MOV10L1: variants seen among roughly 807,000 people sequenced by gnomAD.
MOV10L1 encodes Mov10 like RNA helicase 1, also known as RNA helicase Mov10l1.
A neutral mutation model predicts 143.8 loss-of-function variants in MOV10L1; 110 were observed. That is an observed-to-expected ratio of 0.76 (90% CI 0.66 to 0.90). The LOEUF (loss-of-function observed/expected upper bound fraction) is 0.90, where lower values mean the gene tolerates loss of function less well. Ranked by LOEUF, MOV10L1 falls within the 40% of genes least tolerant of loss-of-function variation. The probability of loss-of-function intolerance (pLI) is 0.00; values close to 1 mark genes in which losing one functional copy is unlikely to be tolerated. For missense variants in MOV10L1, 1,406 were observed against 1,526.8 expected (o/e 0.92, Z 1.32); for synonymous variants, 593 against 581.1 (o/e 1.02, Z -0.29).
At chr22:50,146,703 G>A (rs1316028096) in intron 19 of MOV10L1, among the ~76,000 whole-genome samples, 1 of 152,144 alleles carries the variant, frequency 6.6e-6, no homozygotes, top group Non-Finnish European at 1.5e-5. Context: ...GCGTCACGGT[G>A]GTCGTGAGGG....
chr22:50,091,961 C>A, intron 1 of MOV10L1, 40 bp from the exon 2 acceptor site: 1 of 1,591,520 alleles, frequency 6.3e-7, no homozygotes, highest in South Asian at 1.1e-5. Flanking sequence ...CGTACGCTTG[C>A]TTTTATGGCC....
Position 50,108,653 on chromosome 22 carries a change from C to T in MOV10L1, c.556-4C>T, listed in dbSNP as rs75432260. ...TCCTGTGACGCTCAGCTCTCTGCTC[C>T]CAGGTCTGCATCTCTAGCCTCTGTG... is the stretch of plus-strand genomic sequence containing the variant. On this transcript the variant is annotated splice_region_variant and splice_polypyrimidine_tract_variant and intron_variant, in intron 4 of 26. Coordinates refer to ENST00000262794, the MANE Select transcript of MOV10L1 (RefSeq NM_018995.3). The T allele has an allele frequency of 2.5e-6, 4 of 1,613,958 alleles. No individual in the cohort carries two copies. In the East Asian group the frequency reaches 8.9e-5, roughly 36 times the overall value.
chr22:50,090,183 A>AAGGTGGCTCGCGGG lies in MOV10L1; in HGVS notation c.97+2_97+15dup, dbSNP rs2062388982. ...GGGCAGCTGGAGCCCGAGCTCGCGG[A>AAGGTGGCTCGCGGG]AGGTGGCTCGCGGGAGGCGGCTGGG... On this transcript the variant is annotated frameshift_variant and splice_region_variant, in exon 1 of 27. Coordinates refer to ENST00000262794, the MANE Select transcript of MOV10L1 (RefSeq NM_018995.3). LOFTEE classifies it high-confidence loss of function. The AAGGTGGCTCGCGGG allele has an allele frequency of 2.1e-6, 3 of 1,417,118 alleles. No homozygotes were observed. The African/African-American group carries it at 4.5e-5, about 21-fold the overall frequency. The allele number at this position is 1,417,118 out of a possible 1,614,324, so 87.8% of individuals were successfully genotyped here.
At chr22:50,111,783 G>A (rs577720825) in intron 5 of MOV10L1, among the ~76,000 whole-genome samples, 5 of 152,108 alleles carry the variant, frequency 3.3e-5, no homozygotes, top group Non-Finnish European at 5.9e-5. Flanking sequence ...GATTACAGGC[G>A]TGAGCCACCA....
intron 5 of MOV10L1, among the ~76,000 whole-genome samples, chr22:50,111,486 CTT>C (rs529438045): frequency 8.5e-5 from 5 of 59,144 alleles, no homozygotes; most frequent in African/African-American, 2.2e-4. Context: ...TCTGTCTTTG[CTT>C]TTTTTTTTTT....
intron 3 of MOV10L1, among the ~76,000 whole-genome samples, chr22:50,106,467 GA>G (rs1009686193): frequency 5.4e-5 from 8 of 148,244 alleles, no homozygotes; most frequent in African/African-American, 7.4e-5. Context: ...GATTCTGCTG[GA>G]AAAAAAAATT....
intron 10 of MOV10L1, among the ~76,000 whole-genome samples, chr22:50,121,577 T>C (rs962149744): frequency 1.3e-5 from 2 of 152,232 alleles, no homozygotes; most frequent in African/African-American, 2.4e-5. Flanking sequence ...AGATGTGTTT[T>C]ACTCACAGAT....
At chr22:50,131,632 A>G (rs1285697932) in intron 13 of MOV10L1, among the ~76,000 whole-genome samples, 1 of 152,140 alleles carries the variant, frequency 6.6e-6, no homozygotes, top group African/African-American at 2.4e-5. Flanking sequence ...TATGAATGGA[A>G]ATTGGAGGGT....
intron 1 of MOV10L1, chr22:50,091,465 A>C (rs1402027307): frequency 2.5e-5 from 4 of 158,224 alleles, no homozygotes; most frequent in Non-Finnish European, 5.9e-5. Context: ...TGCTGATGGT[A>C]ATAAAAAGAT....
At chr22:50,151,147 A>C (rs79304) in intron 21 of MOV10L1, among the ~76,000 whole-genome samples, 1 of 152,098 alleles carries the variant, frequency 6.6e-6, no homozygotes, top group Non-Finnish European at 1.5e-5. Flanking sequence ...AAGAAAAGCA[A>C]GAAATAATTT....
intron 18 of MOV10L1, among the ~76,000 whole-genome samples, chr22:50,144,594 T>TC (rs1569035264): frequency 6.6e-6 from 1 of 152,056 alleles, no homozygotes; most frequent in Non-Finnish European, 1.5e-5. Context: ...TTTGTTTTTT[T>TC]TTTTTGAGAC....
rs371629719 is a variant in MOV10L1, at chr22:50,125,495, T to C, written c.1673T>C (p.Ile558Thr). The C allele has an allele frequency of 4.9e-5, 79 of 1,614,166 alleles. 2 individuals carry two copies. The South Asian group carries it at 7.9e-4, about 16-fold the overall frequency. Reference sequence around the variant, plus strand: ...AAAGAGTATAACATGAGCGGGATCATCTTAAGAAGGAATGGGGATCTGCTG... The same window carrying C: ...AAAGAGTATAACATGAGCGGGATCACCTTAAGAAGGAATGGGGATCTGCTG... ...ELKEYNMSGIILRRNGDLLVL... is the reference protein window; with the variant it reads ...ELKEYNMSGITLRRNGDLLVL... Residue 558 changes from isoleucine to threonine, a missense_variant, in exon 11 of 27, where the codon ATC (isoleucine) becomes ACC (threonine). Ile to Thr is a moderately conservative substitution (Grantham distance 89). This residue lies in a region of MOV10L1 where 1,233 missense variants were observed against 1,351.4 expected (regional missense o/e 0.91). Transcript: ENST00000262794.
At chr22:50,095,987 C>T (rs2062578300) in intron 2 of MOV10L1, 1 of 152,070 alleles carries the variant, frequency 6.6e-6, no homozygotes, top group Admixed American at 6.6e-5. Context: ...GAATGATCCC[C>T]ATTTGGTATA....
intron 13 of MOV10L1, 33 bp downstream of exon 13, chr22:50,128,540 CTTTTT>C (rs36022529): frequency 2.3e-3 from 1,128 of 485,854 alleles, no homozygotes; most frequent in East Asian, 6.1e-3. Context: ...TTTCAAATGT[CTTTTT>C]TTTTTTTTTT....
chr22:50,117,055 G>T (rs1281097716), intron 8 of MOV10L1, 102 bp from the exon 9 acceptor site: 3 of 1,003,196 alleles, frequency 3.0e-6, no homozygotes, highest in South Asian at 1.7e-5. Context: ...GACTAAAGAT[G>T]AGTCTTAACT....
chr22:50,114,318 GATAACT>G, intron 6 of MOV10L1, 57 bp from the exon 7 acceptor site: 1 of 1,568,974 alleles, frequency 6.4e-7, no homozygotes, highest in Non-Finnish European at 8.7e-7. Flanking sequence ...TGTGTTTTAT[GATAACT>G]GAATATTTTG....
rs887858977 is a variant in MOV10L1 at position 50,152,131 on chromosome 22, G to T, written c.2893-914G>T. Among the ~76,000 whole-genome samples, 1 of 148,744 alleles carries T rather than the reference G, an allele frequency of 6.7e-6. No individual in the cohort carries two copies. The highest frequency in any genetic ancestry group is 2.4e-5 in the African/African-American group (1 of 41,208). ...GGCGTTCTCGTGCCAGTGTCATCTGGCGAGTAACAGACAGCACTGCAGGAA... is the reference window on the plus strand; with the variant it reads ...GGCGTTCTCGTGCCAGTGTCATCTGTCGAGTAACAGACAGCACTGCAGGAA... On this transcript the variant is annotated intron_variant, in intron 21 of 26. Transcript: ENST00000262794. This position sits in a 1 kb window ranked among gnomAD's most constrained non-coding sequence, Gnocchi z 4.4.
intron 1 of MOV10L1, chr22:50,090,610 C>G: frequency 1.4e-6 from 2 of 1,468,260 alleles, no homozygotes. Flanking sequence ...GTCTGGTTTT[C>G]AAGCCCATCT....
chr22:50,130,459 G>A (rs1446903350), intron 13 of MOV10L1, among the ~76,000 whole-genome samples: 2 of 152,096 alleles, frequency 1.3e-5, no homozygotes, highest in East Asian at 1.9e-4. Context: ...AATGGACTAC[G>A]GGGGAATGGA....
Sources: allele counts gnomAD v4.1 joint callset (sites outside exome capture counted in the v4.1 genomes callset), GRCh38; gene constraint gnomAD v4.1.1; regional missense constraint gnomAD v4.1.1; non-coding constraint Gnocchi (gnomAD v3.1); transcripts MANE v1.5; gene names NCBI Gene and HGNC (gene_info 2026-07-23, HGNC 2026-07-21).